Variants in AK5 observed in about 807,000 individuals in gnomAD.
AK5 encodes the protein adenylate kinase isoenzyme 5.
AK5 carries 27 observed loss-of-function variants against 69.5 expected under a neutral mutation model. The ratio of observed to expected loss-of-function variants is 0.39; its 90% CI spans 0.29 to 0.54. AK5 has a LOEUF of 0.54. AK5 is among the 20% of genes least tolerant of loss of function. The pLI is 0.71. For missense variants in AK5, 531 were observed against 700.4 expected (o/e 0.76, Z 2.73); for synonymous variants, 260 against 244.4 (o/e 1.06, Z -0.60).
Position 77,353,948 on chromosome 1 carries a change from G to T in AK5, c.891+13380G>T, listed in dbSNP as rs568294235. Among the ~76,000 whole-genome samples the T allele has an allele frequency of 6.3e-4, 96 of 152,306 alleles. 1 individual carries two copies. The highest frequency in any genetic ancestry group is 2.3e-3 in the African/African-American group (94 of 41,562). ...TGATAGGAGGAAGGATGTACAAAAG[G>T]CTGCAGGAGGGAGTAAATTGCACCT... On this transcript the variant is annotated intron_variant, in intron 6 of 13. Coordinates refer to ENST00000354567, the MANE Select transcript of AK5 (RefSeq NM_174858.3).
intron 5 of AK5, among the ~76,000 whole-genome samples, chr1:77,335,729 C>T (rs889289642): frequency 7.9e-5 from 12 of 152,320 alleles, no homozygotes; most frequent in Admixed American, 4.6e-4. Flanking sequence ...CAGCTGATTA[C>T]GCCTACCTGC....
intron 5 of AK5, among the ~76,000 whole-genome samples, chr1:77,330,723 G>GC (rs1661046332): frequency 6.6e-6 from 1 of 152,094 alleles, no homozygotes; most frequent in East Asian, 1.9e-4. Context: ...ATTTGAATCA[G>GC]CTTTCCAATT....
At chr1:77,376,662 C>T (rs991913922) in intron 6 of AK5, among the ~76,000 whole-genome samples, 1 of 152,010 alleles carries the variant, frequency 6.6e-6, no homozygotes, top group Non-Finnish European at 1.5e-5. Flanking sequence ...GAAGTCTGGC[C>T]AGGCACAGTG....
At chr1:77,433,277 C>G (rs200878843) in intron 8 of AK5, among the ~76,000 whole-genome samples, 1 of 13,120 alleles carries the variant, frequency 7.6e-5, no homozygotes, top group Non-Finnish European at 5.2e-3. Flanking sequence ...AGAAACATAA[C>G]ATTCTCTCTA....
intron 6 of AK5, among the ~76,000 whole-genome samples, chr1:77,357,631 A>G (rs969522558): frequency 2.8e-4 from 43 of 152,186 alleles, no homozygotes; most frequent in African/African-American, 9.2e-4. Context: ...ATGCTCAGTT[A>G]TATCTAAGGT....
intron 8 of AK5, among the ~76,000 whole-genome samples, chr1:77,481,128 G>C (rs546108993): frequency 3.9e-4 from 60 of 152,296 alleles, no homozygotes; most frequent in Non-Finnish European, 2.9e-5. Context: ...GAGGAGAGGG[G>C]ATGCCCCTAC....
chr1:77,327,205 A>G (rs1028739967), intron 5 of AK5, among the ~76,000 whole-genome samples: 1 of 152,086 alleles, frequency 6.6e-6, no homozygotes, highest in Non-Finnish European at 1.5e-5. Context: ...TGGGCAAACC[A>G]GGAAGACCCT....
At chr1:77,388,891 G>A (rs762283960) in intron 6 of AK5, among the ~76,000 whole-genome samples, 7 of 152,108 alleles carry the variant, frequency 4.6e-5, no homozygotes, top group Admixed American at 6.5e-5. Context: ...ATCACAGACC[G>A]CAAATGAAGG....
At chr1:77,402,206 T>A (rs979464744) in intron 6 of AK5, among the ~76,000 whole-genome samples, 1 of 152,208 alleles carries the variant, frequency 6.6e-6, no homozygotes, top group Admixed American at 6.5e-5. Context: ...ACTCTACCTA[T>A]GCTACCGCTG....
At chr1:77,395,135 A>G (rs952258725) in intron 6 of AK5, among the ~76,000 whole-genome samples, 22 of 151,742 alleles carry the variant, frequency 1.4e-4, no homozygotes, top group African/African-American at 4.8e-4. Context: ...TTTTTTTAGG[A>G]TAAGAATGGA....
intron 13 of AK5, among the ~76,000 whole-genome samples, chr1:77,550,294 A>C (rs1168254652): frequency 1.3e-5 from 2 of 152,206 alleles, no homozygotes; most frequent in African/African-American, 4.8e-5. Context: ...TTTCTAACTA[A>C]ATTAAATACA....
intron 8 of AK5, among the ~76,000 whole-genome samples, chr1:77,477,105 G>A (rs1557621794): frequency 1.3e-5 from 2 of 151,856 alleles, no homozygotes; most frequent in East Asian, 3.9e-4. Flanking sequence ...ATGGCTTACT[G>A]CAGCCTCAAC....
intron 8 of AK5, among the ~76,000 whole-genome samples, chr1:77,418,478 C>T (rs1304016943): frequency 3.9e-5 from 6 of 152,106 alleles, no homozygotes; most frequent in South Asian, 2.1e-4. Flanking sequence ...GAATGATGAA[C>T]GAGGAAAGCA....
chr1:77,428,764 C>G (rs1651388388), intron 8 of AK5, among the ~76,000 whole-genome samples: 1 of 152,156 alleles, frequency 6.6e-6, no homozygotes, highest in East Asian at 1.9e-4. Context: ...TCCCCTCACC[C>G]CACAACAGGC....
Position 77,423,408 on chromosome 1 carries a change from G to A in AK5, c.1059+5693G>A, listed in dbSNP as rs112643662. Among the ~76,000 whole-genome samples the A allele has an allele frequency of 4.0e-3, 613 of 152,130 alleles. 4 individuals carry two copies. Among genetic ancestry groups the A allele is most frequent in the Non-Finnish European group, 7.3e-3 (498 of 68,004 alleles). The stretch of plus-strand genomic sequence containing the variant: ...CTCTTCTTCAACTAAGTGAATGCCA[G>A]TTGTCTGAGCACTTCTGATTCCTGG... On this transcript the variant is annotated intron_variant, in intron 8 of 13. Coordinates refer to ENST00000354567, the MANE Select transcript of AK5 (RefSeq NM_174858.3).
chr1:77,449,877 G>A (rs1378114842), intron 8 of AK5, among the ~76,000 whole-genome samples: 2 of 152,070 alleles, frequency 1.3e-5, no homozygotes. Flanking sequence ...TAGAAAATGG[G>A]ATTTTCTTTT....
chr1:77,472,777 C>T lies in AK5; in HGVS notation c.1060-10540C>T, dbSNP rs183448056. ...TGGTGGCACACACCTGTGGTCCCAG[C>T]TACTGATGAGGCAATTCTTCTGGAG... On this transcript the variant is annotated intron_variant, in intron 8 of 13. Coordinates refer to ENST00000354567, the MANE Select transcript of AK5 (RefSeq NM_174858.3). Among the ~76,000 whole-genome samples the T allele has an allele frequency of 2.6e-3, 235 of 88,832 alleles. 2 individuals carry two copies. The highest frequency in any genetic ancestry group is 5.7e-3 in the Admixed American group (50 of 8,700). The allele number at this position is 88,832 out of a possible 152,430, so 58.3% of individuals were successfully genotyped here. A position where few individuals can be genotyped will look rare whatever the true frequency, so the allele number is the denominator to read the frequency against.
intron 8 of AK5, among the ~76,000 whole-genome samples, chr1:77,463,108 A>G (rs1292306086): frequency 1.3e-5 from 2 of 152,234 alleles, no homozygotes; most frequent in Non-Finnish European, 2.9e-5. Context: ...TATAGAATTT[A>G]TAGACGTTGG....
At chr1:77,382,245 T>G (rs1647693635) in intron 6 of AK5, among the ~76,000 whole-genome samples, 2 of 117,438 alleles carry the variant, frequency 1.7e-5, no homozygotes, top group African/African-American at 6.2e-5. Context: ...TTTTTTTTTT[T>G]GCTTATTTCT....
Sources: allele counts gnomAD v4.1 joint callset (sites outside exome capture counted in the v4.1 genomes callset), GRCh38; gene constraint gnomAD v4.1.1; transcripts MANE v1.5; gene names NCBI Gene and HGNC (gene_info 2026-07-23, HGNC 2026-07-21).